ELP3: variants seen among roughly 807,000 people sequenced by gnomAD.
ELP3 encodes elongator complex protein 3.
Under a neutral mutation model 74.9 loss-of-function variants are expected in ELP3, and 56 were observed. That is an observed-to-expected ratio of 0.75 (90% CI 0.60 to 0.93). The LOEUF (loss-of-function observed/expected upper bound fraction) is 0.93. Ranked by LOEUF, ELP3 falls within the 40% of genes least tolerant of loss-of-function variation. The probability of loss-of-function intolerance (pLI) is 0.00; values close to 1 mark genes in which losing one functional copy is unlikely to be tolerated. For missense variants in ELP3, 573 were observed against 686.5 expected, an observed-to-expected ratio of 0.83 and a Z score of 1.85; for synonymous variants, 222 against 239.8, an observed-to-expected ratio of 0.93 and a Z score of 0.68.
intron 14 of ELP3, among the ~76,000 whole-genome samples, chr8:28,179,811 C>T (rs1814927055): frequency 6.6e-6 from 1 of 152,164 alleles, no homozygotes; most frequent in Non-Finnish European, 1.5e-5. Context: ...GTGGTTACTG[C>T]TCCTCAGGCA....
intron 10 of ELP3, among the ~76,000 whole-genome samples, chr8:28,139,141 A>G (rs1813117314): frequency 1.3e-5 from 2 of 152,138 alleles, no homozygotes; most frequent in Non-Finnish European, 2.9e-5. Flanking sequence ...AAGGGCATTC[A>G]TTCCCACCAA....
chr8:28,185,516 C>A (rs1815202157), intron 14 of ELP3, among the ~76,000 whole-genome samples: 1 of 152,228 alleles, frequency 6.6e-6, no homozygotes, highest in Non-Finnish European at 1.5e-5. Flanking sequence ...GGGAGACAGA[C>A]CTGCGCAGTG....
chr8:28,154,661 C>A (rs945260718), intron 10 of ELP3, among the ~76,000 whole-genome samples: 11 of 152,030 alleles, frequency 7.2e-5, no homozygotes, highest in Non-Finnish European at 1.5e-5. Flanking sequence ...ATGTTCCTTG[C>A]CAAAATTAAC....
chr8:28,153,659 G>T (rs1813720435), intron 10 of ELP3, among the ~76,000 whole-genome samples: 1 of 152,174 alleles, frequency 6.6e-6, no homozygotes, highest in South Asian at 2.1e-4. Flanking sequence ...AGCCCCTTCT[G>T]TGGGCTGGGT....
intron 7 of ELP3, among the ~76,000 whole-genome samples, chr8:28,124,312 C>A (rs1812490876): frequency 6.6e-6 from 1 of 151,964 alleles, no homozygotes; most frequent in Non-Finnish European, 1.5e-5. Context: ...AGTCTCCAGA[C>A]TTATTTATAT....
chr8:28,109,658 G>T (rs1239905408), intron 5 of ELP3, among the ~76,000 whole-genome samples: 1 of 152,140 alleles, frequency 6.6e-6, no homozygotes. Context: ...TTCATTTTGG[G>T]TTTATGTACA....
At chr8:28,148,876 A>G (rs1396062685) in intron 10 of ELP3, among the ~76,000 whole-genome samples, 2 of 152,214 alleles carry the variant, frequency 1.3e-5, no homozygotes, top group East Asian at 1.9e-4. Flanking sequence ...TTCCTCACCC[A>G]CAAAAAAATA....
intron 4 of ELP3, among the ~76,000 whole-genome samples, 187 bp from the exon 5 acceptor site, chr8:28,107,726 T>C (rs1811753171): frequency 6.6e-6 from 1 of 152,246 alleles, no homozygotes; most frequent in African/African-American, 2.4e-5. Context: ...CCTTTACATA[T>C]TTATCTTATT....
chr8:28,123,208 G>A (rs1812441508), intron 7 of ELP3, among the ~76,000 whole-genome samples: 1 of 152,064 alleles, frequency 6.6e-6, no homozygotes, highest in South Asian at 2.1e-4. Flanking sequence ...ATTTTGATAT[G>A]GTGTATTTTA....
At chr8:28,171,031 T>C (rs1021541945) in intron 14 of ELP3, among the ~76,000 whole-genome samples, 1 of 152,230 alleles carries the variant, frequency 6.6e-6, no homozygotes, top group African/African-American at 2.4e-5. Context: ...GCTTCCTTGT[T>C]ATGGCACAAT....
intron 14 of ELP3, among the ~76,000 whole-genome samples, chr8:28,173,388 TACA>T (rs1814610436): frequency 6.6e-6 from 1 of 152,018 alleles, no homozygotes; most frequent in South Asian, 2.1e-4. Context: ...CATGTTGGCG[TACA>T]GTTGTTCATA....
chr8:28,162,749 C>T (rs892191476), intron 14 of ELP3, among the ~76,000 whole-genome samples: 1 of 152,066 alleles, frequency 6.6e-6, no homozygotes, highest in African/African-American at 2.4e-5. Flanking sequence ...TGTTTTTATA[C>T]GAGTGCAAAG....
At chr8:28,141,598 TCCTCGTAGGAAATATTTAA>T (rs1174221659) in intron 10 of ELP3, among the ~76,000 whole-genome samples, 3 of 152,220 alleles carry the variant, frequency 2.0e-5, no homozygotes, top group African/African-American at 7.2e-5. Context: ...TAAGAGAATA[TCCTCGTAGGAAATATTTAA>T]AGTATTCTCA....
At chr8:28,186,073 C>T (rs996210643) in intron 14 of ELP3, among the ~76,000 whole-genome samples, 1 of 151,992 alleles carries the variant, frequency 6.6e-6, no homozygotes, top group African/African-American at 2.4e-5. Context: ...TGAAATAAGC[C>T]AGTTATAAAA....
At chr8:28,106,583 C>T in intron 3 of ELP3, 130 bp from the exon 4 acceptor site, 2 of 481,008 alleles carry the variant, frequency 4.2e-6, no homozygotes, top group Non-Finnish European at 7.8e-6. Context: ...ACAGCCTCGT[C>T]AATACCTTTG....
chr8:28,153,447 A>C (rs1813712842), intron 10 of ELP3, among the ~76,000 whole-genome samples: 1 of 152,220 alleles, frequency 6.6e-6, no homozygotes, highest in African/African-American at 2.4e-5. Context: ...CAGTTCTTTG[A>C]ATTCTGTGTG....
At chr8:28,185,370 A>G (rs1815195396) in intron 14 of ELP3, among the ~76,000 whole-genome samples, 2 of 152,214 alleles carry the variant, frequency 1.3e-5, no homozygotes, top group Admixed American at 1.3e-4. Flanking sequence ...CTCCAGGAAC[A>G]CATTTCTTTG....
intron 14 of ELP3, among the ~76,000 whole-genome samples, chr8:28,177,655 A>G (rs759350317): frequency 2.0e-5 from 3 of 152,226 alleles, no homozygotes; most frequent in Non-Finnish European, 4.4e-5. Context: ...TGTGGGCTCA[A>G]TTTTAATTCT....
At chr8:28,177,662 TTCTG>T (rs1335585629) in intron 14 of ELP3, among the ~76,000 whole-genome samples, 2 of 152,358 alleles carry the variant, frequency 1.3e-5, no homozygotes, top group Admixed American at 6.5e-5. Flanking sequence ...TCAATTTTAA[TTCTG>T]TCTAAGAACA....
Sources: allele counts gnomAD v4.1 joint callset (sites outside exome capture counted in the v4.1 genomes callset), GRCh38; gene constraint gnomAD v4.1.1; transcripts MANE v1.5; gene names NCBI Gene and HGNC (gene_info 2026-07-23, HGNC 2026-07-21).